The following CNN1 variants were observed in gnomAD, a reference collection of about 807,000 sequenced individuals.
CNN1 encodes the protein calponin-1.
CNN1 carries 21 observed loss-of-function variants against 35.3 expected under a neutral mutation model. That is an observed-to-expected ratio of 0.60 (90% CI 0.42 to 0.86). The LOEUF is 0.86. CNN1 is among the 40% of genes least tolerant of loss of function. The probability of loss-of-function intolerance (pLI) is 0.00; values close to 1 mark genes in which losing one functional copy is unlikely to be tolerated. For missense variants in CNN1, 314 were observed against 400.8 expected (o/e 0.78, Z 1.85); for synonymous variants, 164 against 161.8 (o/e 1.01, Z -0.10).
rs1385962264 is a variant in CNN1 at position 11,539,768 on chromosome 19, G to A, written c.63+778G>A. The A allele has an allele frequency of 7.9e-6, 9 of 1,141,664 alleles. No individual in the cohort carries two copies. The African/African-American group carries it at 1.1e-4, about 14-fold the overall frequency. 70.7% of individuals were successfully genotyped at this position (1,141,664 alleles called of 1,614,324 possible). On this transcript the variant is annotated intron_variant, in intron 1 of 6. Transcript: ENST00000252456. ...CAGGGTCCCATGGTGAGGAAGTGGGGGACTGGGTTGGAACCTGGGTCGAGG... is the reference window on the plus strand; with the variant it reads ...CAGGGTCCCATGGTGAGGAAGTGGGAGACTGGGTTGGAACCTGGGTCGAGG...
Position 11,541,192 on chromosome 19 carries a change from T to C in CNN1, c.180T>C (p.Leu60=), listed in dbSNP as rs1201948338. The change falls in exon 2 of 7, where the codon CTT becomes CTC. Residue 60 remains leucine (L), a synonymous_variant. Coordinates refer to ENST00000252456, the MANE Select transcript of CNN1 (RefSeq NM_001299.6). ...ACGGCCTCAAAGATGGCATCATTCT[T>C]TGCGAGTGAGTGAGGCTCTCGAAGC... ...FMDGLKDGII[L]CEFINKLQPG... 1.2e-5 allele frequency: 19 copies of C among 1,576,048 alleles called. No individual in the cohort carries two copies. Among genetic ancestry groups the C allele is most frequent in the Non-Finnish European group, 1.6e-5 (19 of 1,158,256 alleles).
Position 11,549,816 on chromosome 19 carries a change from T to G in CNN1, c.*21T>G. On this transcript the variant is annotated 3_prime_UTR_variant, in exon 7 of 7. Coordinates refer to ENST00000252456, the MANE Select transcript of CNN1 (RefSeq NM_001299.6). The surrounding 1 kb of genome is among the most constrained non-coding windows in gnomAD (Gnocchi z 5.2). ...CCTAGGGCCACAAGGCCTTCCCTGT[T>G]TTCCCCCCAAGGGAGGCTGCTGCTG... 6.3e-7 allele frequency: 1 copy of G among 1,584,256 alleles called. No individual in the cohort carries two copies. Among genetic ancestry groups the G allele is most frequent in the Admixed American group, 1.7e-5 (1 of 58,392 alleles).
chr19:11,544,889 C>T (rs982964679), intron 2 of CNN1, among the ~76,000 whole-genome samples: 1 of 151,880 alleles, frequency 6.6e-6, no homozygotes, highest in Admixed American at 6.6e-5. Flanking sequence ...TGGACGGTAA[C>T]TTGAACTGTT....
chr19:11,549,990 G>C lies in CNN1; in HGVS notation c.*195G>C. ...TGGGGGGAAGGGGACCCTCCGCTCT[G>C]TAGTGCTACAGGGTCCAACATAGAG... On this transcript the variant is annotated 3_prime_UTR_variant, in exon 7 of 7. Transcript: ENST00000252456. The surrounding 1 kb of genome is among the most constrained non-coding windows in gnomAD (Gnocchi z 5.2). The C allele has an allele frequency of 1.3e-6, 1 of 777,938 alleles. No individual in the cohort carries two copies. 48.2% of individuals were successfully genotyped at this position (777,938 alleles called of 1,614,324 possible).
chr19:11,541,200 G>A lies in CNN1; in HGVS notation c.185+3G>A. Reference sequence around the variant, plus strand: ...AAAGATGGCATCATTCTTTGCGAGTGAGTGAGGCTCTCGAAGCCGAGACCC... The same window carrying A: ...AAAGATGGCATCATTCTTTGCGAGTAAGTGAGGCTCTCGAAGCCGAGACCC... On this transcript the variant is annotated splice_donor_region_variant and intron_variant, in intron 2 of 6. Coordinates refer to ENST00000252456, the MANE Select transcript of CNN1 (RefSeq NM_001299.6). 6.4e-7 allele frequency: 1 copy of A among 1,561,318 alleles called. No individual in the cohort carries two copies. The highest frequency in any genetic ancestry group is 1.2e-5 in the South Asian group (1 of 84,340).
Position 11,546,740 on chromosome 19 carries a change from A to G in CNN1, c.251A>G (p.Gln84Arg). The G allele has an allele frequency of 6.2e-7, 1 of 1,614,212 alleles. No individual in the cohort carries two copies. The highest frequency in any genetic ancestry group is 2.2e-5 in the East Asian group (1 of 44,876). The change falls in exon 3 of 7, where the codon CAG (glutamine) becomes CGG (arginine). Residue 84 changes from glutamine to arginine, a missense_variant and splice_region_variant. Physicochemically the swap from Gln to Arg is conservative, Grantham distance 43 (BLOSUM62 1). Coordinates refer to ENST00000252456, the MANE Select transcript of CNN1 (RefSeq NM_001299.6). The part of the protein sequence containing the change: ...KINESTQNWH[Q>R]LENIGNFIKA... Reference sequence around the variant, plus strand: ...AATGAGTCAACCCAAAATTGGCACCAGGTGAGCCCAGACACAATCTCTTCC... The same window carrying G: ...AATGAGTCAACCCAAAATTGGCACCGGGTGAGCCCAGACACAATCTCTTCC...
intron 2 of CNN1, among the ~76,000 whole-genome samples, chr19:11,543,663 G>T (rs564976071): frequency 1.3e-5 from 2 of 150,994 alleles, no homozygotes; most frequent in Admixed American, 1.3e-4. Context: ...GGCGCTTGTA[G>T]TCCCAGCTAC....
chr19:11,550,095 A>C lies in CNN1; in HGVS notation c.*300A>C, dbSNP rs1599613793. 1 of 291,952 alleles carries C rather than the reference A, an allele frequency of 3.4e-6. No individual in the cohort carries two copies. Among genetic ancestry groups the C allele is most frequent in the Non-Finnish European group, 6.3e-6 (1 of 157,588 alleles). 18.1% of individuals were successfully genotyped at this position (291,952 alleles called of 1,614,324 possible). ...TCCCCCCACTCCCTCACAAGTGGGTACCCCCAGGACCAGAAGCTCCCCCAG... is the reference window on the plus strand; with the variant it reads ...TCCCCCCACTCCCTCACAAGTGGGTCCCCCCAGGACCAGAAGCTCCCCCAG... On this transcript the variant is annotated 3_prime_UTR_variant, in exon 7 of 7. Coordinates refer to ENST00000252456, the MANE Select transcript of CNN1 (RefSeq NM_001299.6).
In CNN1 at chr19:11,549,570, G is replaced by A. The variant is rs1972670391; in HGVS notation, c.669G>A (p.Gly223=). ...CGCAGGCTGGCATGACTGCGCCAGG[G>A]ACCAAGCGGCAGATCTTCGAGCCGG... is the stretch of plus-strand genomic sequence containing the variant. The part of the protein sequence containing the change: ...GASQAGMTAP[G]TKRQIFEPGL... The change falls in exon 7 of 7, where the codon GGG becomes GGA. Residue 223 remains glycine, a synonymous_variant. Coordinates refer to ENST00000252456, the MANE Select transcript of CNN1 (RefSeq NM_001299.6). This position sits in a 1 kb window ranked among gnomAD's most constrained non-coding sequence, Gnocchi z 5.2. The A allele has an allele frequency of 6.3e-7, 1 of 1,599,902 alleles. No individual in the cohort carries two copies. Among genetic ancestry groups the A allele is most frequent in the South Asian group, 1.1e-5 (1 of 89,996 alleles).
chr19:11,548,207 T>C (rs1972635126), intron 5 of CNN1, among the ~76,000 whole-genome samples: 1 of 152,144 alleles, frequency 6.6e-6, no homozygotes, highest in South Asian at 2.1e-4. Flanking sequence ...AAGTCAGTCA[T>C]GTGATAGGCC....
chr19:11,544,514 C>T (rs896272198), intron 2 of CNN1, among the ~76,000 whole-genome samples: 20 of 151,948 alleles, frequency 1.3e-4, no homozygotes, highest in African/African-American at 4.8e-4. Flanking sequence ...CTCTGGTGCC[C>T]GGGCTGGAGT....
intron 5 of CNN1, among the ~76,000 whole-genome samples, chr19:11,548,548 T>G (rs1402280413): frequency 7.1e-6 from 1 of 140,606 alleles, no homozygotes; most frequent in Non-Finnish European, 1.6e-5. Flanking sequence ...TCTCTAAAAA[T>G]GAAAATGGGC....
In CNN1 at chr19:11,549,256, C is replaced by A; in HGVS notation, c.502-67C>A. ...AAAGCGGCGCCTCATCCTCTCCCAT[C>A]AGCTATGCCTCATGGCCCATGATGA... On this transcript the variant is annotated intron_variant, in intron 5 of 6. Transcript: ENST00000252456. The surrounding 1 kb of genome is among the most constrained non-coding windows in gnomAD (Gnocchi z 5.2). The A allele has an allele frequency of 6.5e-7, 1 of 1,536,066 alleles. No individual in the cohort carries two copies. The highest frequency in any genetic ancestry group is 1.2e-5 in the South Asian group (1 of 85,642).
chr19:11,544,131 GATTTGTGGTCGT>G (rs1972527571), intron 2 of CNN1, among the ~76,000 whole-genome samples: 2 of 151,776 alleles, frequency 1.3e-5, no homozygotes, highest in African/African-American at 4.9e-5. Context: ...AATAATCACA[GATTTGTGGTCGT>G]AAGTGTCCTG....
At position 11,549,198 on chromosome 19, in the gene CNN1, A is replaced by T; in HGVS notation, c.502-125A>T. 9.1e-7 allele frequency: 1 copy of T among 1,104,626 alleles called. No individual in the cohort carries two copies. The highest frequency in any genetic ancestry group is 1.2e-6 in the Non-Finnish European group (1 of 809,282). The allele number at this position is 1,104,626 out of a possible 1,614,324, so 68.4% of individuals were successfully genotyped here. ...GCAAGACTCCGTCTCAAAAAAAAAT[A>T]AATAAAATAAAATAAAAATTGAAAA... On this transcript the variant is annotated intron_variant, in intron 5 of 6. Coordinates refer to ENST00000252456, the MANE Select transcript of CNN1 (RefSeq NM_001299.6). This position sits in a 1 kb window ranked among gnomAD's most constrained non-coding sequence, Gnocchi z 5.2.
intron 2 of CNN1, among the ~76,000 whole-genome samples, chr19:11,546,339 C>CT (rs1972581466): frequency 6.7e-6 from 1 of 148,178 alleles, no homozygotes; most frequent in Non-Finnish European, 1.5e-5. Flanking sequence ...GGACACCTTT[C>CT]TTTCTTTTTT....
chr19:11,546,640 G>A, intron 2 of CNN1, 35 bp from the exon 3 acceptor site: 2 of 1,613,052 alleles, frequency 1.2e-6, no homozygotes, highest in Non-Finnish European at 1.7e-6. Context: ...AACCCTGGGG[G>A]GACACCTTTC....
intron 2 of CNN1, among the ~76,000 whole-genome samples, chr19:11,544,939 C>T (rs1469358387): frequency 6.6e-6 from 1 of 152,060 alleles, no homozygotes; most frequent in Non-Finnish European, 1.5e-5. Flanking sequence ...TGGCTCATGC[C>T]TGTAATCCCA....
chr19:11,546,114 G>C (rs1972575806), intron 2 of CNN1, among the ~76,000 whole-genome samples: 1 of 152,192 alleles, frequency 6.6e-6, no homozygotes, highest in Non-Finnish European at 1.5e-5. Flanking sequence ...AGATCCCAGA[G>C]ACTCGGACAC....
Sources: gnomAD v4.1 joint callset for allele counts (sites outside exome capture counted in the v4.1 genomes callset) on GRCh38, gnomAD v4.1.1 for gene constraint, Gnocchi (gnomAD v3.1) non-coding constraint, MANE v1.5 for transcripts, NCBI Gene and HGNC (gene_info 2026-07-23, HGNC 2026-07-21) for gene names.